DLG2: variants seen among roughly 807,000 people sequenced by gnomAD.
The protein encoded by DLG2 is discs large MAGUK scaffold protein 2.
In DLG2, 45 loss-of-function variants were observed where a neutral mutation model predicts 132.5. That is an observed-to-expected ratio of 0.34 (90% CI 0.27 to 0.44). The LOEUF (loss-of-function observed/expected upper bound fraction) is 0.44, where lower values mean the gene tolerates loss of function less well. DLG2 is among the 20% of genes least tolerant of loss of function. The pLI is 1.00. For missense variants in DLG2, 1,045 were observed against 1,196.9 expected (o/e 0.87, Z 1.87); for synonymous variants, 424 against 419.6 (o/e 1.01, Z -0.13).
At chr11:83,508,919 A>C (rs1042111343) in intron 21 of DLG2, among the ~76,000 whole-genome samples, 6 of 152,232 alleles carry the variant, frequency 3.9e-5, no homozygotes, top group African/African-American at 1.4e-4. Flanking sequence ...TTAATTGCCT[A>C]AGCAATGTTG....
chr11:84,292,789 G>A (rs2098022513), intron 7 of DLG2, among the ~76,000 whole-genome samples: 1 of 152,112 alleles, frequency 6.6e-6, no homozygotes, highest in Admixed American at 6.5e-5. Flanking sequence ...AGTGGGAAGG[G>A]AGATAAATTA....
chr11:83,614,247 A>T (rs2060491251), intron 19 of DLG2, among the ~76,000 whole-genome samples: 1 of 152,188 alleles, frequency 6.6e-6, no homozygotes, highest in African/African-American at 2.4e-5. Context: ...TTCCTTGGAC[A>T]TGTCTAACTG....
chr11:84,284,920 T>G (rs149777325), intron 7 of DLG2, among the ~76,000 whole-genome samples: 1 of 152,348 alleles, frequency 6.6e-6, no homozygotes, highest in African/African-American at 2.4e-5. Flanking sequence ...GTTTCTTAAA[T>G]AAATAGGTGG....
intron 7 of DLG2, among the ~76,000 whole-genome samples, chr11:84,356,456 C>T (rs1168694253): frequency 6.6e-6 from 1 of 152,002 alleles, no homozygotes; most frequent in Admixed American, 6.6e-5. Context: ...AAGAGCATGG[C>T]ATTTGGAAAC....
chr11:84,547,196 T>G (rs2099391735), intron 6 of DLG2, among the ~76,000 whole-genome samples: 1 of 152,182 alleles, frequency 6.6e-6, no homozygotes, highest in Admixed American at 6.5e-5. Context: ...AAGTTATGAT[T>G]GTTTTACTGG....
chr11:84,696,666 G>A (rs1391267963), intron 6 of DLG2, among the ~76,000 whole-genome samples: 1 of 151,406 alleles, frequency 6.6e-6, no homozygotes, highest in Non-Finnish European at 1.5e-5. Flanking sequence ...CAAACAGAAG[G>A]CACTTTGTTA....
intron 6 of DLG2, among the ~76,000 whole-genome samples, chr11:85,025,972 T>A (rs560924629): frequency 7.8e-4 from 119 of 152,102 alleles, no homozygotes; most frequent in African/African-American, 2.8e-3. Flanking sequence ...TCAAAATAAA[T>A]TTCAAGTAGC....
chr11:83,910,267 G>A (rs138659326), intron 15 of DLG2, among the ~76,000 whole-genome samples: 53 of 152,256 alleles, frequency 3.5e-4, no homozygotes, highest in African/African-American at 1.3e-3. Context: ...AAGAAGTGTG[G>A]TTTTAAGGGA....
chr11:85,534,973 C>G (rs1397758738), intron 3 of DLG2, among the ~76,000 whole-genome samples: 1 of 152,148 alleles, frequency 6.6e-6, no homozygotes, highest in African/African-American at 2.4e-5. Flanking sequence ...ATTAGCGTTC[C>G]CTTTTCTCCA....
chr11:84,352,397 A>G (rs2098582014), intron 7 of DLG2, among the ~76,000 whole-genome samples: 2 of 152,208 alleles, frequency 1.3e-5, no homozygotes, highest in African/African-American at 4.8e-5. Context: ...AAGTGACTCT[A>G]TGTGTGAAGA....
chr11:84,927,115 A>T (rs2093005033), intron 6 of DLG2, among the ~76,000 whole-genome samples: 1 of 152,020 alleles, frequency 6.6e-6, no homozygotes, highest in African/African-American at 2.4e-5. Flanking sequence ...GTAATACTTT[A>T]AAAAACATAA....
chr11:85,247,798 T>C (rs1055719566), intron 4 of DLG2, among the ~76,000 whole-genome samples: 2 of 152,054 alleles, frequency 1.3e-5, no homozygotes, highest in African/African-American at 4.8e-5. Flanking sequence ...ATAGACTAGC[T>C]CATCATTTTC....
chr11:83,520,639 G>GTAGATAGATAGATAGATAGATAGATAGA (rs71066046), intron 21 of DLG2, among the ~76,000 whole-genome samples: 1,556 of 148,050 alleles, frequency 0.011, 12 homozygotes, highest in East Asian at 0.03. Context: ...AGGTAGGTAG[G>GTAGATAGATAGATAGATAGATAGATAGA]TAGATAGATA....
At chr11:83,631,276 G>GCACATA (rs2063523654) in intron 19 of DLG2, 1 of 149,874 alleles carries the variant, frequency 6.7e-6, no homozygotes, top group South Asian at 2.1e-4. Flanking sequence ...TATACGCATG[G>GCACATA]CCCATATTTC....
chr11:85,567,993 AT>A (rs1206784936), intron 3 of DLG2, among the ~76,000 whole-genome samples: 1 of 150,604 alleles, frequency 6.6e-6, no homozygotes, highest in Non-Finnish European at 1.5e-5. Context: ...CATAGTGTAA[AT>A]TTTTTTAATG....
intron 21 of DLG2, among the ~76,000 whole-genome samples, chr11:83,499,619 C>T (rs1217743980): frequency 6.6e-6 from 1 of 150,834 alleles, no homozygotes; most frequent in Non-Finnish European, 1.5e-5. Context: ...CTACACTCTC[C>T]GTATTGCCTC....
chr11:84,769,996 T>G (rs1251736532), intron 6 of DLG2, among the ~76,000 whole-genome samples: 1 of 152,184 alleles, frequency 6.6e-6, no homozygotes, highest in African/African-American at 2.4e-5. Context: ...TCTGCAAATC[T>G]CATGTTAAAA....
At chr11:84,318,906 G>T (rs1393542904) in intron 7 of DLG2, among the ~76,000 whole-genome samples, 2 of 152,094 alleles carry the variant, frequency 1.3e-5, no homozygotes, top group Non-Finnish European at 2.9e-5. Context: ...TGGATGGTTG[G>T]GTGGAAGTAT....
At chr11:83,618,740 T>G (rs1044092411) in intron 19 of DLG2, among the ~76,000 whole-genome samples, 2 of 152,146 alleles carry the variant, frequency 1.3e-5, no homozygotes, top group Non-Finnish European at 1.5e-5. Context: ...TCTATGGTAG[T>G]GTATACCTCC....
Sources: allele counts gnomAD v4.1 joint callset (sites outside exome capture counted in the v4.1 genomes callset), GRCh38; gene constraint gnomAD v4.1.1; transcripts MANE v1.5; gene names NCBI Gene and HGNC (gene_info 2026-07-23, HGNC 2026-07-21).